FAM193A: variants seen among roughly 807,000 people sequenced by gnomAD.
FAM193A encodes the protein protein FAM193A.
A neutral mutation model predicts 126.5 loss-of-function variants in FAM193A; 22 were observed. The observed-to-expected ratio is 0.17, with a 90% CI of 0.12 to 0.25. The LOEUF (loss-of-function observed/expected upper bound fraction) is 0.25, where lower values mean the gene tolerates loss of function less well. Ranked by LOEUF, FAM193A falls within the 10% of genes least tolerant of loss-of-function variation. The pLI is 1.00. For synonymous variants in FAM193A, 761 were observed against 646.8 expected (o/e 1.18, Z -2.68); for missense variants, 1,675 against 1,672.8 (o/e 1.00, Z -0.02).
At chr4:2,599,978 C>T (rs1289381659) in intron 2 of FAM193A, among the ~76,000 whole-genome samples, 2 of 151,888 alleles carry the variant, frequency 1.3e-5, no homozygotes, top group African/African-American at 2.4e-5. Flanking sequence ...TGGCTCACTG[C>T]AACCTCTGCC....
chr4:2,694,793 G>A (rs139102014), intron 16 of FAM193A, among the ~76,000 whole-genome samples, 153 bp from the exon 17 acceptor site: 212 of 152,196 alleles, frequency 1.4e-3, no homozygotes, highest in African/African-American at 4.8e-3. Context: ...CTTGCTGCTT[G>A]TGTATGACTC....
chr4:2,605,436 A>G (rs1481948644), intron 2 of FAM193A, among the ~76,000 whole-genome samples: 1 of 152,202 alleles, frequency 6.6e-6, no homozygotes, highest in African/African-American at 2.4e-5. Flanking sequence ...TTTGCTCAGC[A>G]TTATGTTTGA....
intron 2 of FAM193A, among the ~76,000 whole-genome samples, chr4:2,604,765 T>C (rs1224950174): frequency 2.0e-5 from 3 of 150,534 alleles, no homozygotes; most frequent in Non-Finnish European, 4.4e-5. Flanking sequence ...TAATTGAGAG[T>C]CTGCTTTTTT....
chr4:2,539,447 G>C (rs775065704), intron 1 of FAM193A, among the ~76,000 whole-genome samples: 21 of 152,092 alleles, frequency 1.4e-4, no homozygotes, highest in Admixed American at 3.3e-4. Flanking sequence ...AAGAGACACG[G>C]TCTCTCTCTG....
intron 7 of FAM193A, 79 bp from the exon 8 acceptor site, chr4:2,657,724 C>T: frequency 7.0e-6 from 6 of 860,598 alleles, no homozygotes; most frequent in Admixed American, 2.3e-5. Context: ...AAGAAAGTCT[C>T]CTCTTGAAAA....
chr4:2,672,387 A>G lies in FAM193A; in HGVS notation c.2331+15A>G. The G allele has an allele frequency of 6.2e-7, 1 of 1,612,864 alleles. No individual in the cohort carries two copies. The highest frequency in any genetic ancestry group is 1.1e-5 in the South Asian group (1 of 91,000). On this transcript the variant is annotated intron_variant, in intron 13 of 20. Transcript: ENST00000637812. ...CACACAGTAAGGTAAGTCAGGGCAA[A>G]AAGGGTCTGAAAGCTCACTCTTCAC...
At chr4:2,645,590 G>A (rs747823024) in intron 6 of FAM193A, among the ~76,000 whole-genome samples, 2 of 151,756 alleles carry the variant, frequency 1.3e-5, no homozygotes, top group Non-Finnish European at 2.9e-5. Context: ...GCAGTGGCGC[G>A]ATCTCGGCTC....
At chr4:2,659,742 C>A in intron 9 of FAM193A, 70 bp from the exon 10 acceptor site, 1 of 1,612,984 alleles carries the variant, frequency 6.2e-7, no homozygotes, top group Non-Finnish European at 8.5e-7. Flanking sequence ...GGCCTAGAAC[C>A]GACCCTTAGA....
Position 2,699,813 on chromosome 4 carries a change from G to A in FAM193A, c.3641G>A (p.Arg1214Gln), listed in dbSNP as rs10010434. ...EEDRFKEEFQRLQELQKLRAV... is the reference protein window; with the variant it reads ...EEDRFKEEFQQLQELQKLRAV... ...GATCGTTTCAAGGAGGAATTTCAGCGGCTTCAGGAGCTTCAGAAGCTAAGA... is the reference window on the plus strand; with the variant it reads ...GATCGTTTCAAGGAGGAATTTCAGCAGCTTCAGGAGCTTCAGAAGCTAAGA... The change falls in exon 19 of 21, where the codon CGG (arginine) becomes CAG (glutamine). Residue 1214 changes from arginine (R) to glutamine (Q), a missense_variant. Around this residue, in one of 4 missense-constraint regions of FAM193A, gnomAD observed 415 missense variants for 396.7 expected, o/e 1.05. Coordinates refer to ENST00000637812, the MANE Select transcript of FAM193A (RefSeq NM_001366318.2). 7.3e-4 allele frequency: 1,178 copies of A among 1,613,772 alleles called. 9 individuals are homozygous for A. In the African/African-American group the frequency reaches 0.014, roughly 19 times the overall value.
chr4:2,641,042 T>C (rs1486185962), intron 6 of FAM193A, among the ~76,000 whole-genome samples: 1 of 151,828 alleles, frequency 6.6e-6, no homozygotes, highest in African/African-American at 2.4e-5. Context: ...TATTGCTATT[T>C]TATTTATTTT....
chr4:2,600,197 C>T (rs1741116901), intron 2 of FAM193A, among the ~76,000 whole-genome samples: 2 of 152,318 alleles, frequency 1.3e-5, no homozygotes, highest in African/African-American at 4.8e-5. Flanking sequence ...TGCGCCTGAC[C>T]TGCCATAGTT....
At chr4:2,678,503 C>T (rs1305993478) in intron 13 of FAM193A, among the ~76,000 whole-genome samples, 4 of 151,852 alleles carry the variant, frequency 2.6e-5, no homozygotes, top group Admixed American at 6.6e-5. Context: ...GCTGGGATTA[C>T]AGGCATGCGC....
At chr4:2,674,608 C>T (rs902629633) in intron 13 of FAM193A, among the ~76,000 whole-genome samples, 1 of 152,096 alleles carries the variant, frequency 6.6e-6, no homozygotes, top group African/African-American at 2.4e-5. Context: ...TGCCTTTTGG[C>T]ACATTATGTC....
At chr4:2,640,816 T>C (rs1405286607) in intron 6 of FAM193A, among the ~76,000 whole-genome samples, 3 of 151,802 alleles carry the variant, frequency 2.0e-5, no homozygotes, top group Non-Finnish European at 2.9e-5. Flanking sequence ...AATATAAAAA[T>C]TAGCCGGGCT....
chr4:2,634,731 A>G (rs1040268743), intron 5 of FAM193A, among the ~76,000 whole-genome samples: 4 of 152,228 alleles, frequency 2.6e-5, no homozygotes, highest in East Asian at 1.9e-4. Context: ...AGATTTCCCA[A>G]GTAAGATGTT....
At chr4:2,712,493 T>G (rs984994998) in intron 19 of FAM193A, among the ~76,000 whole-genome samples, 2 of 152,222 alleles carry the variant, frequency 1.3e-5, no homozygotes, top group African/African-American at 4.8e-5. Flanking sequence ...GTCTGCGTTG[T>G]GACTGCTGCC....
intron 5 of FAM193A, among the ~76,000 whole-genome samples, chr4:2,632,308 G>C (rs1743669481): frequency 6.6e-6 from 1 of 152,162 alleles, no homozygotes; most frequent in South Asian, 2.1e-4. Flanking sequence ...GCTCATACCT[G>C]TAATCCTCGC....
chr4:2,659,795 C>T lies in FAM193A; in HGVS notation c.1503-17C>T, dbSNP rs757347828. ...GTGCATTGGTTGGCTTGGTAACTGTCCTTAATTCCTGATCAGATGTGCTTG... is the reference window on the plus strand; with the variant it reads ...GTGCATTGGTTGGCTTGGTAACTGTTCTTAATTCCTGATCAGATGTGCTTG... On this transcript the variant is annotated splice_polypyrimidine_tract_variant and intron_variant, in intron 9 of 20. Coordinates refer to ENST00000637812, the MANE Select transcript of FAM193A (RefSeq NM_001366318.2). 6.2e-7 allele frequency: 1 copy of T among 1,613,960 alleles called. No individual in the cohort carries two copies. Among genetic ancestry groups the T allele is most frequent in the Non-Finnish European group, 8.5e-7 (1 of 1,180,018 alleles).
At chr4:2,559,422 A>T (rs951935223) in intron 1 of FAM193A, among the ~76,000 whole-genome samples, 1 of 152,078 alleles carries the variant, frequency 6.6e-6, no homozygotes, top group Non-Finnish European at 1.5e-5. Flanking sequence ...CCACCTTGCT[A>T]TTCTTTTTAA....
Sources: gnomAD v4.1 joint callset for allele counts (sites outside exome capture counted in the v4.1 genomes callset) on GRCh38, gnomAD v4.1.1 for gene constraint, gnomAD v4.1.1 regional missense constraint, MANE v1.5 for transcripts, NCBI Gene and HGNC (gene_info 2026-07-23, HGNC 2026-07-21) for gene names.